Variants in GALNTL5 observed in about 807,000 individuals in gnomAD.
GALNTL5 encodes inactive polypeptide N-acetylgalactosaminyltransferase-like protein 5.
A neutral mutation model predicts 51.0 loss-of-function variants in GALNTL5; 44 were observed. The observed-to-expected ratio is 0.86, with a 90% CI of 0.68 to 1.11. The LOEUF is 1.11. Ranked by LOEUF, GALNTL5 falls within the 50% of genes least tolerant of loss-of-function variation. The pLI is 0.00. For synonymous variants in GALNTL5, 192 were observed against 182.8 expected, an observed-to-expected ratio of 1.05 and a Z score of -0.41; for missense variants, 528 against 531.8, an observed-to-expected ratio of 0.99 and a Z score of 0.07.
chr7:151,968,502 G>A (rs1294416921), intron 2 of GALNTL5, among the ~76,000 whole-genome samples: 5 of 152,142 alleles, frequency 3.3e-5, no homozygotes, highest in Admixed American at 6.5e-5. Flanking sequence ...CTACTCCAGC[G>A]TGTGACACAC....
intron 1 of GALNTL5, among the ~76,000 whole-genome samples, chr7:151,964,847 G>A (rs1413235475): frequency 6.6e-6 from 1 of 152,100 alleles, no homozygotes; most frequent in Admixed American, 6.5e-5. Context: ...CTTTTCTCCA[G>A]GCCCTGTCTT....
At position 151,977,089 on chromosome 7, in the gene GALNTL5, A is replaced by C. The variant is rs185331704; in HGVS notation, c.369-5897A>C. 1.6e-3 allele frequency among the ~76,000 whole-genome samples: 240 copies of C among 152,348 alleles called. 2 individuals are homozygous for C. Among genetic ancestry groups the C allele is most frequent in the Admixed American group, 5.4e-3 (83 of 15,304 alleles). On this transcript the variant is annotated intron_variant, in intron 3 of 8. Transcript: ENST00000392800. ...ATAGGTACATTATACAAATGATGTC[A>C]AACAGAGGCAGACCAAATACCTAAA...
Position 152,010,971 on chromosome 7 carries a change from A to C in GALNTL5, c.1026+3027A>C, listed in dbSNP as rs57222518. On this transcript the variant is annotated intron_variant, in intron 7 of 8. Coordinates refer to ENST00000392800, the MANE Select transcript of GALNTL5 (RefSeq NM_145292.4). ...TATATCTGACATGCACTGCTCTAAAATCTTACAGATATTAACTCATTTAAT... is the reference window on the plus strand; with the variant it reads ...TATATCTGACATGCACTGCTCTAAACTCTTACAGATATTAACTCATTTAAT... 6.0e-3 allele frequency among the ~76,000 whole-genome samples: 919 copies of C among 152,298 alleles called. 5 individuals are homozygous for C. The highest frequency in any genetic ancestry group is 0.021 in the African/African-American group (877 of 41,550).
intron 8 of GALNTL5, among the ~76,000 whole-genome samples, chr7:152,015,012 G>A (rs1343445538): frequency 1.3e-5 from 2 of 152,128 alleles, no homozygotes; most frequent in Non-Finnish European, 2.9e-5. Flanking sequence ...AACAGATACT[G>A]GGGCCTTCCT....
In GALNTL5 at chr7:152,006,026, T is replaced by A. The variant is rs552890312; in HGVS notation, c.909-1801T>A. On this transcript the variant is annotated intron_variant, in intron 6 of 8. Coordinates refer to ENST00000392800, the MANE Select transcript of GALNTL5 (RefSeq NM_145292.4). Reference sequence around the variant, plus strand: ...AGTGTAGAGGACCAGCCCTGAGCCCTGGGTGCTTCAACATTGACAGTTGAG... The same window carrying A: ...AGTGTAGAGGACCAGCCCTGAGCCCAGGGTGCTTCAACATTGACAGTTGAG... Among the ~76,000 whole-genome samples, 3 of 152,038 alleles carry A rather than the reference T, an allele frequency of 2.0e-5. No homozygotes were observed. In the East Asian group the frequency reaches 5.8e-4, roughly 29 times the overall value.
At chr7:151,974,327 T>C (rs2081182761) in intron 3 of GALNTL5, among the ~76,000 whole-genome samples, 1 of 152,220 alleles carries the variant, frequency 6.6e-6, no homozygotes, top group Admixed American at 6.5e-5. Flanking sequence ...CTTAGCATGA[T>C]GCCCTCAAGG....
chr7:152,007,975 TAG>T (rs1416243682), intron 7 of GALNTL5, 31 bp downstream of exon 7: 2 of 1,195,180 alleles, frequency 1.7e-6, no homozygotes, highest in East Asian at 2.3e-5. Context: ...AAAATAGCTA[TAG>T]AGAGTGAAAC....
At chr7:151,988,463 A>G (rs1209454423) in intron 5 of GALNTL5, among the ~76,000 whole-genome samples, 1 of 152,186 alleles carries the variant, frequency 6.6e-6, no homozygotes, top group Admixed American at 6.5e-5. Context: ...TTAGCAGGAA[A>G]CACCTCCTTA....
At chr7:152,007,390 T>A (rs925952644) in intron 6 of GALNTL5, among the ~76,000 whole-genome samples, 1 of 151,174 alleles carries the variant, frequency 6.6e-6, no homozygotes, top group Non-Finnish European at 1.5e-5. Context: ...TATAATAGGA[T>A]AATTTTAGTA....
At chr7:151,990,646 CA>C (rs1474824905) in intron 5 of GALNTL5, among the ~76,000 whole-genome samples, 3 of 150,832 alleles carry the variant, frequency 2.0e-5, no homozygotes, top group African/African-American at 7.3e-5. Context: ...AGCCTCTCTT[CA>C]ATAGGAATAG....
chr7:151,993,143 A>G lies in GALNTL5; in HGVS notation c.658+5862A>G, dbSNP rs1045826964. Among the ~76,000 whole-genome samples the G allele has an allele frequency of 1.3e-4, 20 of 151,954 alleles. 1 individual carries two copies. In the South Asian group the frequency reaches 4.2e-3, roughly 32 times the overall value. ...TAGCTACTCAGGAGGCTGAGGCAGG[A>G]GAATTGCTTGAACCCAGGAGGTGGA... On this transcript the variant is annotated intron_variant, in intron 5 of 8. Transcript: ENST00000392800.
At chr7:151,970,178 C>G (rs2081116861) in intron 2 of GALNTL5, among the ~76,000 whole-genome samples, 1 of 145,092 alleles carries the variant, frequency 6.9e-6, no homozygotes, top group Admixed American at 6.9e-5. Flanking sequence ...GACGCCTGGC[C>G]GCTGGGTGAA....
intron 3 of GALNTL5, among the ~76,000 whole-genome samples, chr7:151,976,540 G>A (rs549339236): frequency 1.3e-5 from 2 of 152,026 alleles, no homozygotes; most frequent in South Asian, 4.2e-4. Flanking sequence ...TTTCTTATAG[G>A]CAGCATCAGT....
At chr7:151,982,618 C>A (rs770121430) in intron 3 of GALNTL5, among the ~76,000 whole-genome samples, 6 of 150,710 alleles carry the variant, frequency 4.0e-5, no homozygotes, top group Non-Finnish European at 8.9e-5. Flanking sequence ...TTTTATCTGT[C>A]CTGCCATGGT....
At chr7:152,016,038 A>C (rs1383543014) in intron 8 of GALNTL5, among the ~76,000 whole-genome samples, 1 of 152,200 alleles carries the variant, frequency 6.6e-6, no homozygotes, top group Non-Finnish European at 1.5e-5. Flanking sequence ...TTTCTTTTGT[A>C]ATTAGAGAAA....
chr7:152,005,083 C>A (rs923659276), intron 6 of GALNTL5, among the ~76,000 whole-genome samples: 1 of 152,172 alleles, frequency 6.6e-6, no homozygotes, highest in Non-Finnish European at 1.5e-5. Context: ...ACTGTGCAAG[C>A]GTTCCCTTTT....
intron 4 of GALNTL5, among the ~76,000 whole-genome samples, chr7:151,985,167 C>T (rs1043536753): frequency 2.6e-5 from 4 of 152,116 alleles, no homozygotes; most frequent in African/African-American, 9.7e-5. Context: ...TCTGCAAGGC[C>T]CCACCTGCAA....
intron 1 of GALNTL5, among the ~76,000 whole-genome samples, chr7:151,964,913 G>A (rs1228890626): frequency 6.6e-6 from 1 of 152,134 alleles, no homozygotes; most frequent in Non-Finnish European, 1.5e-5. Flanking sequence ...CTGGCTGCCG[G>A]GATCCTGTGT....
chr7:152,009,812 C>A (rs931490844), intron 7 of GALNTL5, among the ~76,000 whole-genome samples: 1 of 152,188 alleles, frequency 6.6e-6, no homozygotes, highest in African/African-American at 2.4e-5. Context: ...CTGTGCCACA[C>A]CCTTGTTGAT....
Sources: gnomAD v4.1 joint callset for allele counts (sites outside exome capture counted in the v4.1 genomes callset) on GRCh38, gnomAD v4.1.1 for gene constraint, MANE v1.5 for transcripts, NCBI Gene and HGNC (gene_info 2026-07-23, HGNC 2026-07-21) for gene names.